DCLK1: variants seen among roughly 807,000 people sequenced by gnomAD.
The protein encoded by DCLK1 is serine/threonine-protein kinase DCLK1.
In DCLK1, 16 loss-of-function variants were observed where a neutral mutation model predicts 86.2. The observed-to-expected ratio is 0.19, with a 90% CI of 0.13 to 0.28. DCLK1 has a LOEUF of 0.28. DCLK1 is among the 10% of genes least tolerant of loss of function. The pLI, the probability that DCLK1 is intolerant of heterozygous loss-of-function variation, is 1.00. For missense variants in DCLK1, 590 were observed against 940.2 expected (o/e 0.63, Z 4.87); for synonymous variants, 369 against 370.5 (o/e 1.00, Z 0.05).
At chr13:36,030,138 A>G (rs1313467319) in intron 3 of DCLK1, among the ~76,000 whole-genome samples, 1 of 152,196 alleles carries the variant, frequency 6.6e-6, no homozygotes, top group African/African-American at 2.4e-5. Context: ...CGTTGAATGA[A>G]GCAGTGTTAA....
chr13:36,047,937 G>A (rs939132297), intron 3 of DCLK1, among the ~76,000 whole-genome samples: 1 of 152,076 alleles, frequency 6.6e-6, no homozygotes, highest in Non-Finnish European at 1.5e-5. Flanking sequence ...CAGCGTGGGC[G>A]ACAGAGTGAG....
At chr13:35,958,136 A>AACCATCACCACCATCACTGCTATAACC (rs1555352812) in intron 3 of DCLK1, among the ~76,000 whole-genome samples, 1 of 11,288 alleles carries the variant, frequency 8.9e-5, no homozygotes, top group Admixed American at 7.4e-4. Flanking sequence ...CCACTACTAT[A>AACCATCACCACCATCACTGCTATAACC]ACCACCACCA....
chr13:36,031,275 A>T (rs1373654720), intron 3 of DCLK1, among the ~76,000 whole-genome samples: 1 of 152,148 alleles, frequency 6.6e-6, no homozygotes, highest in East Asian at 1.9e-4. Flanking sequence ...TTAAGCACAA[A>T]AGAGTGATTT....
chr13:36,056,477 G>GA (rs1883314894), intron 3 of DCLK1, among the ~76,000 whole-genome samples: 1 of 100,284 alleles, frequency 1.0e-5, no homozygotes, highest in Non-Finnish European at 1.9e-5. Flanking sequence ...GGGGAGGGGG[G>GA]AGGGGGGAGG....
chr13:35,863,045 C>G (rs12427442), intron 5 of DCLK1, among the ~76,000 whole-genome samples: 61,941 of 152,066 alleles, frequency 0.41, 12,815 homozygotes, highest in Admixed American at 0.47. Flanking sequence ...CTTATCATTG[C>G]TTACAATTGC....
rs912744361 is a variant in DCLK1 at position 36,131,367 on chromosome 13, A to G, written c.-273T>C. ...CAGCCTCACTCCAGCCTCTCTCTCC[A>G]GAGGAGGGCGGCGGCGGCGGCGGCG... On this transcript the variant is annotated 5_prime_UTR_variant, in exon 1 of 17. Coordinates refer to ENST00000360631, the MANE Select transcript of DCLK1 (RefSeq NM_001330071.2). 5 of 193,584 alleles carry G rather than the reference A, an allele frequency of 2.6e-5. No individual in the cohort carries two copies. The highest frequency in any genetic ancestry group is 4.1e-5 in the Non-Finnish European group (4 of 98,264). The allele number at this position is 193,584 out of a possible 1,614,324, so 12.0% of individuals were successfully genotyped here.
chr13:35,853,954 CT>C (rs1870855927), intron 6 of DCLK1, among the ~76,000 whole-genome samples: 1 of 152,162 alleles, frequency 6.6e-6, no homozygotes, highest in Non-Finnish European at 1.5e-5. Flanking sequence ...TTTCCAGTAA[CT>C]TTTTCACTGT....
chr13:35,992,540 A>C (rs1013870393), intron 3 of DCLK1, among the ~76,000 whole-genome samples: 1 of 152,094 alleles, frequency 6.6e-6, no homozygotes, highest in Non-Finnish European at 1.5e-5. Flanking sequence ...TTTGCACTGG[A>C]AATCTACTCC....
chr13:36,031,317 T>C (rs1403668748), intron 3 of DCLK1, among the ~76,000 whole-genome samples: 1 of 51,280 alleles, frequency 2.0e-5, no homozygotes, highest in African/African-American at 5.1e-5. Flanking sequence ...GGGTCCAATA[T>C]CAACCACACA....
At chr13:36,034,352 A>G (rs1330495061) in intron 3 of DCLK1, among the ~76,000 whole-genome samples, 11 of 152,232 alleles carry the variant, frequency 7.2e-5, no homozygotes, top group Admixed American at 7.2e-4. Context: ...TGGTTTAATT[A>G]TGACTAAGTC....
chr13:35,806,907 G>A (rs1387727329), intron 14 of DCLK1, among the ~76,000 whole-genome samples: 1 of 152,166 alleles, frequency 6.6e-6, no homozygotes, highest in Non-Finnish European at 1.5e-5. Context: ...AAGAAAATGA[G>A]AGACTTGCAC....
intron 4 of DCLK1, among the ~76,000 whole-genome samples, chr13:35,931,377 T>C (rs891859944): frequency 6.6e-6 from 1 of 152,140 alleles, no homozygotes; most frequent in African/African-American, 2.4e-5. Flanking sequence ...GAGGTTCAAA[T>C]ATTCAATTAA....
At chr13:36,023,061 G>A (rs1032896205) in intron 3 of DCLK1, among the ~76,000 whole-genome samples, 1 of 152,100 alleles carries the variant, frequency 6.6e-6, no homozygotes, top group African/African-American at 2.4e-5. Flanking sequence ...TTAGCAACAG[G>A]AATTATTTCC....
At chr13:36,000,611 T>C (rs1232468337) in intron 3 of DCLK1, among the ~76,000 whole-genome samples, 1 of 152,180 alleles carries the variant, frequency 6.6e-6, no homozygotes, top group Non-Finnish European at 1.5e-5. Context: ...GAAAGCAACC[T>C]AACTTCAAAG....
At chr13:35,851,995 A>ATGTGTGTGTGTGTGTGTGTGTG (rs1555344390) in intron 6 of DCLK1, among the ~76,000 whole-genome samples, 2 of 143,628 alleles carry the variant, frequency 1.4e-5, no homozygotes, top group African/African-American at 5.0e-5. Context: ...ATGTGTGTGT[A>ATGTGTGTGTGTGTGTGTGTGTG]TGTGTGTGTG....
At chr13:35,849,499 A>AATT (rs1211579092) in intron 6 of DCLK1, 18 of 983,826 alleles carry the variant, frequency 1.8e-5, no homozygotes, top group Admixed American at 6.2e-5. Context: ...AGTAAAAGTA[A>AATT]ATGACCACTA....
chr13:36,035,382 A>C (rs1379057181), intron 3 of DCLK1, among the ~76,000 whole-genome samples: 1 of 152,242 alleles, frequency 6.6e-6, no homozygotes, highest in East Asian at 1.9e-4. Context: ...CACTGAAACC[A>C]CAAATGAAGC....
At chr13:36,046,815 A>G (rs1052040971) in intron 3 of DCLK1, among the ~76,000 whole-genome samples, 20 of 152,238 alleles carry the variant, frequency 1.3e-4, no homozygotes, top group Admixed American at 1.3e-3. Context: ...CTCCAAAGCC[A>G]TAGATACAGC....
At chr13:35,863,939 T>C (rs1471865693) in intron 5 of DCLK1, among the ~76,000 whole-genome samples, 3 of 152,218 alleles carry the variant, frequency 2.0e-5, no homozygotes, top group Admixed American at 1.3e-4. Flanking sequence ...TGGAGTAACA[T>C]AGAAGTAAGT....
Sources: gnomAD v4.1 joint callset for allele counts (sites outside exome capture counted in the v4.1 genomes callset) on GRCh38, gnomAD v4.1.1 for gene constraint, MANE v1.5 for transcripts, NCBI Gene and HGNC (gene_info 2026-07-23, HGNC 2026-07-21) for gene names.